NTRK1: variants seen among roughly 807,000 people sequenced by gnomAD.
The protein encoded by NTRK1 is high affinity nerve growth factor receptor.
NTRK1 carries 62 observed loss-of-function variants against 86.8 expected under a neutral mutation model. The observed-to-expected ratio is 0.71, with a 90% CI of 0.58 to 0.88. The LOEUF is 0.88. Ranked by LOEUF, NTRK1 falls within the 40% of genes least tolerant of loss-of-function variation. The probability of loss-of-function intolerance (pLI) is 0.00; values close to 1 mark genes in which losing one functional copy is unlikely to be tolerated. For synonymous variants in NTRK1, 469 were observed against 456.6 expected, an observed-to-expected ratio of 1.03 and a Z score of -0.35; for missense variants, 967 against 1,078.4, an observed-to-expected ratio of 0.90 and a Z score of 1.45.
intron 2 of NTRK1, chr1:156,849,256 G>A: frequency 6.2e-7 from 1 of 1,613,846 alleles, no homozygotes; most frequent in Non-Finnish European, 8.5e-7. Context: ...AGGCGGCGCG[G>A]TCTCCGTTGG....
Position 156,854,319 on chromosome 1 carries a change from G to A in NTRK1, c.51-10035G>A, listed in dbSNP as rs756102590. The A allele has an allele frequency of 9.4e-6, 15 of 1,594,156 alleles. No individual in the cohort carries two copies. The highest frequency in any genetic ancestry group is 2.7e-5 in the African/African-American group (2 of 74,732). The stretch of plus-strand genomic sequence containing the variant: ...CTGGGGCACACTGTGGGCATACACG[G>A]CACGCAGCATTGAGTACAGCCCAGG... On this transcript the variant is annotated intron_variant, in intron 2 of 16. Transcript: ENST00000392302. This position sits in a 1 kb window ranked among gnomAD's most constrained non-coding sequence, Gnocchi z 4.2.
intron 16 of NTRK1, among the ~76,000 whole-genome samples, chr1:156,881,190 C>G (rs976147579): frequency 6.6e-6 from 1 of 152,220 alleles, no homozygotes; most frequent in Non-Finnish European, 1.5e-5. Flanking sequence ...CCTGGCAAGT[C>G]TTCTTAGGAT....
upstream of NTRK1, among the ~76,000 whole-genome samples, chr1:156,860,620 C>T (rs1159373825): frequency 1.3e-5 from 2 of 152,238 alleles, no homozygotes; most frequent in Non-Finnish European, 2.9e-5. Flanking sequence ...AGCTTCCCAC[C>T]TCCGGCCTCA....
At chr1:156,820,934 T>C (rs1171803646) in intron 1 of NTRK1, among the ~76,000 whole-genome samples, 1 of 152,220 alleles carries the variant, frequency 6.6e-6, no homozygotes, top group Non-Finnish European at 1.5e-5. Context: ...TGTGTTTCCA[T>C]TTGTTTGTGT....
At chr1:156,829,561 G>T (rs1184136439) in intron 1 of NTRK1, among the ~76,000 whole-genome samples, 1 of 151,526 alleles carries the variant, frequency 6.6e-6, no homozygotes, top group Non-Finnish European at 1.5e-5. Flanking sequence ...ACTGTCTCTC[G>T]TTGGGCCCAG....
chr1:156,848,922 A>T, intron 2 of NTRK1: 2 of 1,567,858 alleles, frequency 1.3e-6, no homozygotes, highest in Non-Finnish European at 1.7e-6. Context: ...GGCACTCACG[A>T]CTCCTTGTAG....
chr1:156,875,101 C>A, intron 11 of NTRK1, 93 bp downstream of exon 11: 1 of 939,792 alleles, frequency 1.1e-6, no homozygotes, highest in Non-Finnish European at 1.8e-6. Flanking sequence ...GGGGGCTGTG[C>A]ACATGGGAGT....
chr1:156,846,005 C>T, intron 2 of NTRK1: 2 of 1,614,108 alleles, frequency 1.2e-6, no homozygotes, highest in South Asian at 1.1e-5. Flanking sequence ...CAGCCGCTGC[C>T]ACAGCACCAG....
intron 2 of NTRK1, chr1:156,843,521 G>A (rs1270779945): frequency 6.3e-7 from 1 of 1,586,014 alleles, no homozygotes; most frequent in Non-Finnish European, 8.7e-7. Flanking sequence ...AGGGTTCTCA[G>A]GAAGGAATGA....
intron 2 of NTRK1, chr1:156,845,341 G>T (rs1654956159): frequency 6.2e-7 from 1 of 1,607,458 alleles, no homozygotes; most frequent in African/African-American, 1.3e-5. Context: ...CCAAAGCCAC[G>T]CCCCTCAGCA....
chr1:156,841,106 T>C (rs1402829699), intron 1 of NTRK1: 2 of 1,553,382 alleles, frequency 1.3e-6, no homozygotes, highest in Non-Finnish European at 1.7e-6. Context: ...AGCTCCTGCC[T>C]GGTGGGTGTG....
Position 156,860,871 on chromosome 1 carries a change from C to T in NTRK1, c.-64C>T, listed in dbSNP as rs1655605190. 3.6e-6 allele frequency: 5 copies of T among 1,389,082 alleles called. 1 individual carries two copies. In the Admixed American group the frequency reaches 1.5e-4, roughly 41 times the overall value. 86.0% of individuals were successfully genotyped at this position (1,389,082 alleles called of 1,614,324 possible). A position where few individuals can be genotyped will look rare whatever the true frequency, so the allele number is the denominator to read the frequency against. ...GCCCAGCGCACATGTCGGGGGAGGC[C>T]TGGCAGCTGCAGCTGGGAGCGCACA... is the stretch of plus-strand genomic sequence containing the variant. On this transcript the variant is annotated 5_prime_UTR_variant, in exon 1 of 17. Transcript: ENST00000524377.
At chr1:156,856,921 A>G (rs1398678311), upstream of NTRK1, among the ~76,000 whole-genome samples, 1 of 152,124 alleles carries the variant, frequency 6.6e-6, no homozygotes, top group East Asian at 1.9e-4. Flanking sequence ...AGAAGATTCA[A>G]GTCTGAATGT....
At chr1:156,844,619 G>A (rs551253424) in intron 2 of NTRK1, 6 of 1,614,158 alleles carry the variant, frequency 3.7e-6, no homozygotes, top group East Asian at 4.5e-5. Context: ...ACAGCACTGT[G>A]GCCTCCTGAG....
At chr1:156,851,396 C>G in intron 2 of NTRK1, 1 of 1,614,180 alleles carries the variant, frequency 6.2e-7, no homozygotes, top group East Asian at 2.2e-5. Flanking sequence ...ATGGTTTCTA[C>G]CAGCCCCAGG....
intron 2 of NTRK1, chr1:156,849,159 G>C: frequency 6.2e-7 from 1 of 1,600,382 alleles, no homozygotes; most frequent in African/African-American, 1.3e-5. Context: ...ACTTCTCAGA[G>C]TGTCCCCCTC....
intron 3 of NTRK1, among the ~76,000 whole-genome samples, chr1:156,866,537 G>T (rs1655939340): frequency 1.3e-5 from 2 of 152,282 alleles, no homozygotes; most frequent in South Asian, 4.1e-4. Flanking sequence ...GCCCCGTCCT[G>T]GGCTCTGTAG....
intron 1 of NTRK1, chr1:156,837,831 C>T (rs1401862605): frequency 6.6e-6 from 1 of 152,194 alleles, no homozygotes; most frequent in Non-Finnish European, 1.5e-5. Flanking sequence ...AGTGTCTACT[C>T]CAGGACTGCC....
chr1:156,816,794 C>T (rs1034235609), intron 1 of NTRK1: 19 of 1,289,652 alleles, frequency 1.5e-5, no homozygotes, highest in Non-Finnish European at 1.9e-5. Flanking sequence ...ATCATCTCTC[C>T]TCTCACCCTG....
Sources: allele counts gnomAD v4.1 joint callset (sites outside exome capture counted in the v4.1 genomes callset), GRCh38; gene constraint gnomAD v4.1.1; non-coding constraint Gnocchi (gnomAD v3.1); transcripts MANE v1.5; gene names NCBI Gene and HGNC (gene_info 2026-07-23, HGNC 2026-07-21).